KIRREL3: variants seen among roughly 807,000 people sequenced by gnomAD.
KIRREL3 encodes the protein kin of IRRE-like protein 3.
In KIRREL3, 36 loss-of-function variants were observed where a neutral mutation model predicts 89.7. That is an observed-to-expected ratio of 0.40 (90% CI 0.31 to 0.53). The LOEUF (loss-of-function observed/expected upper bound fraction) is 0.53, where lower values mean the gene tolerates loss of function less well. Ranked by LOEUF, KIRREL3 falls within the 20% of genes least tolerant of loss-of-function variation. The probability of loss-of-function intolerance (pLI) is 0.49; values close to 1 mark genes in which losing one functional copy is unlikely to be tolerated. For missense variants in KIRREL3, 864 were observed against 1,056.6 expected (o/e 0.82, Z 2.53); for synonymous variants, 445 against 441.4 (o/e 1.01, Z -0.10).
chr11:127,002,286 G>T (rs1950328948), upstream of KIRREL3, among the ~76,000 whole-genome samples: 2 of 152,208 alleles, frequency 1.3e-5, no homozygotes, highest in South Asian at 2.1e-4. Context: ...TTATTTAACT[G>T]CATCCCTTAG....
intron 1 of KIRREL3, among the ~76,000 whole-genome samples, chr11:126,654,914 A>T (rs528163867): frequency 6.6e-6 from 1 of 152,294 alleles, no homozygotes; most frequent in African/African-American, 2.4e-5. Flanking sequence ...GAGTCTGCAG[A>T]GGACCATTCA....
Position 126,906,078 on chromosome 11 carries a change from C to A in KIRREL3, c.55+94377G>T, listed in dbSNP as rs772278212. Among the ~76,000 whole-genome samples the A allele has an allele frequency of 3.3e-5, 5 of 152,162 alleles. No individual in the cohort carries two copies. Among genetic ancestry groups the A allele is most frequent in the Non-Finnish European group, 7.3e-5 (5 of 68,034 alleles). On this transcript the variant is annotated intron_variant, in intron 1 of 16. Transcript: ENST00000525144. This position sits in a 1 kb window ranked among gnomAD's most constrained non-coding sequence, Gnocchi z 4.1. Reference sequence around the variant, plus strand: ...TTCAAGGCCGGGAGGTGTGCAGAGCCCCAGGCTCCAATCACACTGCAGCAG... The same window carrying A: ...TTCAAGGCCGGGAGGTGTGCAGAGCACCAGGCTCCAATCACACTGCAGCAG...
intron 1 of KIRREL3, among the ~76,000 whole-genome samples, chr11:126,586,105 G>T (rs1157269278): frequency 1.3e-5 from 2 of 152,050 alleles, no homozygotes; most frequent in Non-Finnish European, 2.9e-5. Context: ...ATCCCTCCCC[G>T]GACGTGGCGG....
At chr11:126,749,166 C>A (rs1949252263) in intron 1 of KIRREL3, among the ~76,000 whole-genome samples, 1 of 152,186 alleles carries the variant, frequency 6.6e-6, no homozygotes, top group South Asian at 2.1e-4. Flanking sequence ...CCTTGTCCTC[C>A]CTGCTTTGGA....
At chr11:126,451,264 G>A (rs1191067450) in intron 7 of KIRREL3, among the ~76,000 whole-genome samples, 1 of 148,150 alleles carries the variant, frequency 6.7e-6, no homozygotes, top group Non-Finnish European at 1.5e-5. Flanking sequence ...TGCATTGCTT[G>A]TGTGTCCGTG....
Position 126,495,689 on chromosome 11 carries a change from G to C in KIRREL3, c.434-22223C>G, listed in dbSNP as rs1957637329. On this transcript the variant is annotated intron_variant, in intron 4 of 16. Transcript: ENST00000525144. This position sits in a 1 kb window ranked among gnomAD's most constrained non-coding sequence, Gnocchi z 6.5. ...TATGGTCACAGTCAGGACCATGGAGGAGGAGGGGCACTCAGAGATTCACCT... is the reference window on the plus strand; with the variant it reads ...TATGGTCACAGTCAGGACCATGGAGCAGGAGGGGCACTCAGAGATTCACCT... Among the ~76,000 whole-genome samples the C allele has an allele frequency of 6.6e-6, 1 of 152,092 alleles. No homozygotes were observed. Among genetic ancestry groups the C allele is most frequent in the African/African-American group, 2.4e-5 (1 of 41,400 alleles).
intron 1 of KIRREL3, among the ~76,000 whole-genome samples, chr11:126,827,180 A>ATTTTTTT (rs61491863): frequency 1.3e-5 from 2 of 148,388 alleles, no homozygotes; most frequent in Non-Finnish European, 1.5e-5. Context: ...CCAGATTCAG[A>ATTTTTTT]TTTTTTTTTT....
Position 126,817,973 on chromosome 11 carries a change from A to G in KIRREL3, c.55+182482T>C, listed in dbSNP as rs926245073. 1.3e-5 allele frequency among the ~76,000 whole-genome samples: 2 copies of G among 152,218 alleles called. No homozygotes were observed. The highest frequency in any genetic ancestry group is 4.8e-5 in the African/African-American group (2 of 41,470). ...GGCTTCAGCAGGAGGAGAGGCTCAA[A>G]TGAGCCCAAGCTGATTAAGGAAGTG... On this transcript the variant is annotated intron_variant, in intron 1 of 16. Coordinates refer to ENST00000525144, the MANE Select transcript of KIRREL3 (RefSeq NM_032531.4). This position sits in a 1 kb window ranked among gnomAD's most constrained non-coding sequence, Gnocchi z 5.7.
In KIRREL3 at chr11:126,684,092, G is replaced by T. The variant is rs900470360; in HGVS notation, c.56-121180C>A. On this transcript the variant is annotated intron_variant, in intron 1 of 16. Transcript: ENST00000525144. The surrounding 1 kb of genome is among the most constrained non-coding windows in gnomAD (Gnocchi z 4.2). ...CCGCGACCCTGCCACCTGCTCAGTGGGATGGCATCTTGGGGGAGCACCTTG... is the reference window on the plus strand; with the variant it reads ...CCGCGACCCTGCCACCTGCTCAGTGTGATGGCATCTTGGGGGAGCACCTTG... Among the ~76,000 whole-genome samples the T allele has an allele frequency of 1.3e-5, 2 of 152,216 alleles. No homozygotes were observed. The highest frequency in any genetic ancestry group is 4.8e-5 in the African/African-American group (2 of 41,466).
chr11:126,637,112 CTACTCTGTTACTGCCTTTGCCTCATCA>C (rs1418218110), intron 1 of KIRREL3, among the ~76,000 whole-genome samples: 1 of 152,190 alleles, frequency 6.6e-6, no homozygotes, highest in Non-Finnish European at 1.5e-5. Flanking sequence ...CCCTACTCCC[CTACTCTGTTACTGCCTTTGCCTCATCA>C]TACTCTGGAA....
At chr11:126,936,953 A>T (rs1249220833) in intron 1 of KIRREL3, 1 of 152,252 alleles carries the variant, frequency 6.6e-6, no homozygotes, top group African/African-American at 2.4e-5. Flanking sequence ...ATGCTTATTA[A>T]GGATGTCAGG....
rs1288568515 is a variant in KIRREL3 at position 126,579,196 on chromosome 11, G to A, written c.56-16284C>T. Among the ~76,000 whole-genome samples the A allele has an allele frequency of 6.6e-6, 1 of 152,146 alleles. No individual in the cohort carries two copies. The highest frequency in any genetic ancestry group is 1.5e-5 in the Non-Finnish European group (1 of 68,016). On this transcript the variant is annotated intron_variant, in intron 1 of 16. Transcript: ENST00000525144. This position sits in a 1 kb window ranked among gnomAD's most constrained non-coding sequence, Gnocchi z 5.3. ...CGGGTCGTCTAAAACAGATGACGCT[G>A]GTGCGGGCCCCAGGGAGTTCCACCA...
In KIRREL3 at chr11:126,449,027, G is replaced by T; in HGVS notation, c.979C>A (p.Arg327Ser). The change falls in exon 8 of 17, where the codon CGC becomes AGC. Residue 327 changes from arginine to serine, a missense_variant. Transcript: ENST00000525144. ...TNALGSTNLS[R>S]TVDVYFGPRM... The stretch of plus-strand genomic sequence containing the variant: ...CACTCACAGTAGACGTCAACCGTGC[G>T]GCTGAGGTTGGTGCTGCCCAGGGCG... 7 of 1,612,486 alleles carry T rather than the reference G, an allele frequency of 4.3e-6. No individual in the cohort carries two copies. The highest frequency in any genetic ancestry group is 5.9e-6 in the Non-Finnish European group (7 of 1,178,730).
Position 126,876,459 on chromosome 11 carries a change from C to A in KIRREL3, c.55+123996G>T, listed in dbSNP as rs1945288835. Among the ~76,000 whole-genome samples, 1 of 152,050 alleles carries A rather than the reference C, an allele frequency of 6.6e-6. No individual in the cohort carries two copies. On this transcript the variant is annotated intron_variant, in intron 1 of 16. Coordinates refer to ENST00000525144, the MANE Select transcript of KIRREL3 (RefSeq NM_032531.4). This position sits in a 1 kb window ranked among gnomAD's most constrained non-coding sequence, Gnocchi z 4.1. ...GCCACATAGCTGGCAAGTGGGGACA[C>A]ACTGTGCTATCCCTGCTCACTGTTG...
Position 126,541,509 on chromosome 11 carries a change from A to G in KIRREL3, c.134-14822T>C, listed in dbSNP as rs1329146295. 6.6e-6 allele frequency among the ~76,000 whole-genome samples: 1 copy of G among 152,204 alleles called. No individual in the cohort carries two copies. The highest frequency in any genetic ancestry group is 1.5e-5 in the Non-Finnish European group (1 of 68,028). ...GGGGGCTCAGATCTATATCCTAAAC[A>G]TTAAAAAAAGTAAACAAAATAATCA... On this transcript the variant is annotated intron_variant, in intron 2 of 16. Coordinates refer to ENST00000525144, the MANE Select transcript of KIRREL3 (RefSeq NM_032531.4). The surrounding 1 kb of genome is among the most constrained non-coding windows in gnomAD (Gnocchi z 4.8).
At chr11:126,602,429 G>A (rs569030814) in intron 1 of KIRREL3, among the ~76,000 whole-genome samples, 3 of 152,238 alleles carry the variant, frequency 2.0e-5, no homozygotes, top group South Asian at 2.1e-4. Context: ...CCGGTGCCTC[G>A]TCGTCGTTTA....
At position 126,528,396 on chromosome 11, in the gene KIRREL3, G is replaced by A. The variant is rs1414651124; in HGVS notation, c.134-1709C>T. On this transcript the variant is annotated intron_variant, in intron 2 of 16. Transcript: ENST00000525144. This position sits in a 1 kb window ranked among gnomAD's most constrained non-coding sequence, Gnocchi z 4.6. ...GGTGTGTATCAACCCAGGGGAGCTT[G>A]GATGGCAGCAGAGCTTGGGGTGGAG... Among the ~76,000 whole-genome samples the A allele has an allele frequency of 6.6e-6, 1 of 152,206 alleles. No individual in the cohort carries two copies. Among genetic ancestry groups the A allele is most frequent in the Non-Finnish European group, 1.5e-5 (1 of 68,036 alleles).
In KIRREL3 at chr11:126,428,980, G is replaced by A. The variant is rs1359194573; in HGVS notation, c.1806+199C>T. ...ATCTTAGATGTCTTTGAGTCTGCCA[G>A]AACACAAGCACAGTACAGCAGGCAC... On this transcript the variant is annotated intron_variant, in intron 15 of 16. Transcript: ENST00000525144. The surrounding 1 kb of genome is among the most constrained non-coding windows in gnomAD (Gnocchi z 6.4). Among the ~76,000 whole-genome samples the A allele has an allele frequency of 6.6e-6, 1 of 152,190 alleles. No homozygotes were observed. The highest frequency in any genetic ancestry group is 2.4e-5 in the African/African-American group (1 of 41,448).
chr11:126,759,181 G>A (rs745418099), intron 1 of KIRREL3, among the ~76,000 whole-genome samples: 3 of 152,164 alleles, frequency 2.0e-5, no homozygotes, highest in East Asian at 1.9e-4. Flanking sequence ...GGAGTGCAGC[G>A]GCTCATGGTG....
Sources: allele counts gnomAD v4.1 joint callset (sites outside exome capture counted in the v4.1 genomes callset), GRCh38; gene constraint gnomAD v4.1.1; non-coding constraint Gnocchi (gnomAD v3.1); transcripts MANE v1.5; gene names NCBI Gene and HGNC (gene_info 2026-07-23, HGNC 2026-07-21).